TP53I11: variants seen among roughly 807,000 people sequenced by gnomAD.
TP53I11 encodes the protein tumor protein p53-inducible protein 11.
A neutral mutation model predicts 23.3 loss-of-function variants in TP53I11; 9 were observed. That is an observed-to-expected ratio of 0.39 (90% CI 0.23 to 0.67). The LOEUF (loss-of-function observed/expected upper bound fraction) is 0.67, where lower values mean the gene tolerates loss of function less well. Among genes scored for constraint, TP53I11 ranks in the 30% least tolerant of loss-of-function variants. The pLI is 0.48. For missense variants in TP53I11, 170 were observed against 255.2 expected (o/e 0.67, Z 2.27); for synonymous variants, 100 against 106.1 (o/e 0.94, Z 0.35).
chr11:44,943,662 C>G (rs1862113395), intron 1 of TP53I11, among the ~76,000 whole-genome samples: 1 of 152,212 alleles, frequency 6.6e-6, no homozygotes, highest in Admixed American at 6.5e-5. Context: ...CAGGGCCCTC[C>G]CAGGGCACTG....
At chr11:44,941,452 G>A (rs1302361170) in intron 1 of TP53I11, among the ~76,000 whole-genome samples, 5 of 152,264 alleles carry the variant, frequency 3.3e-5, no homozygotes, top group Admixed American at 1.3e-4. Context: ...TGCTGAGGAC[G>A]CTCCCTGGAT....
Position 44,938,252 on chromosome 11 carries a change from G to A in TP53I11, c.84C>T (p.Leu28=), listed in dbSNP as rs531788115. 9.2e-5 allele frequency: 148 copies of A among 1,613,146 alleles called. 1 individual carries two copies. In the South Asian group the frequency reaches 1.4e-3, roughly 15 times the overall value. The change falls in exon 2 of 7, where the codon CTC becomes CTT. Residue 28 remains leucine (L), a synonymous_variant. Coordinates refer to ENST00000525680, the MANE Select transcript of TP53I11 (RefSeq NM_006034.5). ...LVSRLKTRKI[L]GVGGEDDDGE... Reference sequence around the variant, plus strand: ...CGTCGTCATCCTCCCCGCCCACGCCGAGGATCTTGCGGGTCTTCAGGCGGC... The same window carrying A: ...CGTCGTCATCCTCCCCGCCCACGCCAAGGATCTTGCGGGTCTTCAGGCGGC...
At chr11:44,942,455 C>T (rs866941062) in intron 1 of TP53I11, among the ~76,000 whole-genome samples, 1 of 144,234 alleles carries the variant, frequency 6.9e-6, no homozygotes, top group Non-Finnish European at 1.5e-5. Flanking sequence ...CACACACACA[C>T]ACACACATAC....
In TP53I11 at chr11:44,937,577, T is replaced by C. The variant is rs746557587; in HGVS notation, c.166A>G (p.Ile56Val). The change falls in exon 3 of 7, where the codon ATT becomes GTT. Residue 56 changes from isoleucine to valine, a missense_variant. Coordinates refer to ENST00000525680, the MANE Select transcript of TP53I11 (RefSeq NM_006034.5). The part of the protein sequence containing the change: ...QVLGNEIKFT[I>V]REPLGLRVWQ... ...CACCTGAGCCCCAAAGGCTCCCGAA[T>C]GGTAAACTTGATTTCATTGCCTAAG... The C allele has an allele frequency of 2.5e-6, 4 of 1,613,788 alleles. No homozygotes were observed. The highest frequency in any genetic ancestry group is 1.3e-5 in the African/African-American group (1 of 75,016).
intron 1 of TP53I11, among the ~76,000 whole-genome samples, chr11:44,944,869 A>G (rs1862236595): frequency 6.6e-6 from 1 of 152,234 alleles, no homozygotes; most frequent in South Asian, 2.1e-4. Context: ...CCCTGGCCAG[A>G]TCAGATGGGA....
At chr11:44,938,073 T>C in intron 2 of TP53I11, 134 bp downstream of exon 2, 1 of 1,276,790 alleles carries the variant, frequency 7.8e-7, no homozygotes, top group Non-Finnish European at 1.0e-6. Flanking sequence ...CTGGCATTGC[T>C]GTTACATTTC....
chr11:44,944,671 G>T (rs1862218226), intron 1 of TP53I11, among the ~76,000 whole-genome samples: 1 of 152,182 alleles, frequency 6.6e-6, no homozygotes, highest in Non-Finnish European at 1.5e-5. Context: ...TGTGACCTCA[G>T]GAAAGTTACT....
intron 1 of TP53I11, among the ~76,000 whole-genome samples, chr11:44,942,190 A>G (rs1189646343): frequency 1.6e-5 from 2 of 123,324 alleles, no homozygotes; most frequent in Non-Finnish European, 3.5e-5. Flanking sequence ...ACACACACAC[A>G]CCACACATAC....
At position 44,936,827 on chromosome 11, in the gene TP53I11, G is replaced by A; in HGVS notation, c.310C>T (p.Arg104Cys). The change falls in exon 5 of 7, where the codon CGC becomes TGC. Residue 104 changes from arginine to cysteine, a missense_variant. Coordinates refer to ENST00000525680, the MANE Select transcript of TP53I11 (RefSeq NM_006034.5). The surrounding 1 kb of genome is among the most constrained non-coding windows in gnomAD (Gnocchi z 4.4). ...GAQVTSKTPI[R>C]LYGGALLSIS... ...CTGAGGAGGGCACCGCCGTAGAGGC[G>A]GATGGGGGTCTTGCTGGTCACCTGG... 1.9e-6 allele frequency: 3 copies of A among 1,607,738 alleles called. No homozygotes were observed. Among genetic ancestry groups the A allele is most frequent in the Non-Finnish European group, 2.5e-6 (3 of 1,177,808 alleles).
intron 1 of TP53I11, among the ~76,000 whole-genome samples, chr11:44,948,318 GC>G (rs1298067636): frequency 6.6e-6 from 1 of 152,048 alleles, no homozygotes; most frequent in Non-Finnish European, 1.5e-5. Flanking sequence ...CTCTTCCTCA[GC>G]CCCTCACTCC....
intron 1 of TP53I11, among the ~76,000 whole-genome samples, chr11:44,944,156 C>T (rs1334632714): frequency 6.6e-6 from 1 of 152,190 alleles, no homozygotes; most frequent in African/African-American, 2.4e-5. Flanking sequence ...GGTGCAAATG[C>T]TCTTGGCAGA....
At chr11:44,946,044 G>GTTT (rs1428356670) in intron 1 of TP53I11, among the ~76,000 whole-genome samples, 1 of 152,204 alleles carries the variant, frequency 6.6e-6, no homozygotes, top group Non-Finnish European at 1.5e-5. Context: ...TGCACTACTA[G>GTTT]GCTCGTGCCT....
intron 1 of TP53I11, among the ~76,000 whole-genome samples, chr11:44,949,529 C>A (rs1189322994): frequency 1.3e-5 from 2 of 152,202 alleles, no homozygotes; most frequent in African/African-American, 4.8e-5. Context: ...TCCATCTCTC[C>A]GGCGGAGAAA....
chr11:44,945,733 T>TG (rs1427172888), intron 1 of TP53I11, among the ~76,000 whole-genome samples: 10 of 151,504 alleles, frequency 6.6e-5, no homozygotes, highest in Non-Finnish European at 1.5e-4. Flanking sequence ...AACACAGAGT[T>TG]GGGGGGCGGG....
intron 1 of TP53I11, among the ~76,000 whole-genome samples, chr11:44,942,580 A>C (rs1329538494): frequency 6.6e-6 from 1 of 152,222 alleles, no homozygotes; most frequent in African/African-American, 2.4e-5. Context: ...AGTGGGCACT[A>C]CAGTGTCCTG....
chr11:44,945,741 G>A lies in TP53I11; in HGVS notation c.-32+4936C>T, dbSNP rs143564806. Among the ~76,000 whole-genome samples, 147 of 152,270 alleles carry A rather than the reference G, an allele frequency of 9.7e-4. 1 individual carries two copies. Among genetic ancestry groups the A allele is most frequent in the African/African-American group, 3.4e-3 (140 of 41,540 alleles). On this transcript the variant is annotated intron_variant, in intron 1 of 6. Transcript: ENST00000525680. ...ACAGGGCAACACAGAGTTGGGGGGC[G>A]GGGTGCTGGCAGTGAGAGCCAGAGC...
chr11:44,949,909 G>GA (rs1219872452), intron 1 of TP53I11: 1 of 152,374 alleles, frequency 6.6e-6, no homozygotes, highest in Non-Finnish European at 1.5e-5. Context: ...GGGGACGGGG[G>GA]ACTCTCTCAG....
intron 1 of TP53I11, among the ~76,000 whole-genome samples, chr11:44,945,088 A>G (rs1017544720): frequency 2.0e-5 from 3 of 152,204 alleles, no homozygotes; most frequent in Non-Finnish European, 4.4e-5. Context: ...AACATCCATC[A>G]GTGGCCAAGC....
In TP53I11 at chr11:44,937,627, G is replaced by A. The variant is rs749292824; in HGVS notation, c.130-14C>T. The A allele has an allele frequency of 1.3e-5, 21 of 1,612,700 alleles. 1 individual carries two copies. The highest frequency in any genetic ancestry group is 1.9e-4 in the Middle Eastern group (1 of 5,324). The stretch of plus-strand genomic sequence containing the variant: ...GACCTGGCTGATCTGTGGACAGAGG[G>A]GGTCAGAGGCAACCAGGGTGAGGGC... On this transcript the variant is annotated splice_polypyrimidine_tract_variant and intron_variant, in intron 2 of 6. Transcript: ENST00000525680.
Sources: allele counts gnomAD v4.1 joint callset (sites outside exome capture counted in the v4.1 genomes callset), GRCh38; gene constraint gnomAD v4.1.1; non-coding constraint Gnocchi (gnomAD v3.1); transcripts MANE v1.5; gene names NCBI Gene and HGNC (gene_info 2026-07-23, HGNC 2026-07-21).